RIPK4: variants seen among roughly 807,000 people sequenced by gnomAD.
RIPK4 encodes receptor interacting serine/threonine kinase 4.
RIPK4 carries 17 observed loss-of-function variants against 42.9 expected under a neutral mutation model. The ratio of observed to expected loss-of-function variants is 0.40; its 90% CI spans 0.27 to 0.59. The LOEUF (loss-of-function observed/expected upper bound fraction) is 0.59, where lower values mean the gene tolerates loss of function less well. RIPK4 is among the 20% of genes least tolerant of loss of function. RIPK4 has a pLI of 0.47. For missense variants in RIPK4, 897 were observed against 1,104.4 expected, an observed-to-expected ratio of 0.81 and a Z score of 2.66; for synonymous variants, 498 against 499.1, an observed-to-expected ratio of 1.00 and a Z score of 0.03.
intron 1 of RIPK4, among the ~76,000 whole-genome samples, chr21:41,766,652 G>A (rs962133548): frequency 6.6e-6 from 1 of 152,138 alleles, no homozygotes; most frequent in Non-Finnish European, 1.5e-5. Context: ...TCGAGCCCGG[G>A]CTCGCCAAAG....
chr21:41,742,021 G>C lies in RIPK4; in HGVS notation c.1196-24C>G. Reference sequence around the variant, plus strand: ...ATCTGCAGGGAGAGGAGAGGCAAAGGTCAGAGCGTGGCTGCACATCCAGGG... The same window carrying C: ...ATCTGCAGGGAGAGGAGAGGCAAAGCTCAGAGCGTGGCTGCACATCCAGGG... On this transcript the variant is annotated intron_variant, in intron 7 of 7. Transcript: ENST00000332512. This position sits in a 1 kb window ranked among gnomAD's most constrained non-coding sequence, Gnocchi z 5.1. The C allele has an allele frequency of 1.3e-6, 2 of 1,555,284 alleles. No homozygotes were observed. The highest frequency in any genetic ancestry group is 1.7e-6 in the Non-Finnish European group (2 of 1,148,308).
chr21:41,756,889 G>C, intron 1 of RIPK4, 73 bp from the exon 2 acceptor site: 1 of 1,505,960 alleles, frequency 6.6e-7, no homozygotes, highest in Non-Finnish European at 9.0e-7. Context: ...ACCCTGGCCA[G>C]AAGACGACCA....
At chr21:41,763,687 C>T (rs1051061723) in intron 1 of RIPK4, among the ~76,000 whole-genome samples, 8 of 152,220 alleles carry the variant, frequency 5.3e-5, no homozygotes, top group South Asian at 2.1e-4. Context: ...CAGGGAGCCT[C>T]GGAGGGGTTC....
Position 41,756,569 on chromosome 21 carries a change from G to A in RIPK4, c.430C>T (p.Leu144Phe). Residue 144 changes from leucine (L) to phenylalanine (F), a missense_variant, in exon 2 of 8, where the codon CTC becomes TTC. By Grantham distance (22) the Leu-to-Phe change is conservative (BLOSUM62 0). Transcript: ENST00000332512. ...TCCAGCAGGATGTTCGCGGGCTTGA[G>A]GTCCAGGTGCAGGAGTGGCGGGGCC... is the stretch of plus-strand genomic sequence containing the variant. ...CMAPPLLHLD[L>F]KPANILLDAH... The A allele has an allele frequency of 6.2e-7, 1 of 1,613,978 alleles. No homozygotes were observed. Among genetic ancestry groups the A allele is most frequent in the Non-Finnish European group, 8.5e-7 (1 of 1,179,958 alleles).
At chr21:41,746,493 C>T (rs904735569) in intron 5 of RIPK4, 120 bp downstream of exon 5, 34 of 1,236,792 alleles carry the variant, frequency 2.7e-5, no homozygotes, top group Middle Eastern at 2.8e-4. Context: ...GGGCTCATTT[C>T]GGCCCACCTG....
rs1442466063 is a variant in RIPK4, at chr21:41,743,546, G to A, written c.1195+336C>T. ...CTGCCACGCCCGAGACAGGAGGCCC[G>A]CCAGGGAGTGGGGCTCGGCTACTCG... On this transcript the variant is annotated intron_variant, in intron 7 of 7. Transcript: ENST00000332512. Among the ~76,000 whole-genome samples, 13 of 152,320 alleles carry A rather than the reference G, an allele frequency of 8.5e-5. No individual in the cohort carries two copies. The East Asian group carries it at 1.2e-3, about 14-fold the overall frequency.
chr21:41,746,091 C>G (rs957648620), intron 5 of RIPK4: 3 of 700,058 alleles, frequency 4.3e-6, no homozygotes, highest in Non-Finnish European at 7.8e-6. Flanking sequence ...CGGAAGCCTT[C>G]CCCGGGGGAG....
rs1296153598 is a variant in RIPK4, at chr21:41,751,146, G to A, written c.574C>T (p.Arg192Cys). The A allele has an allele frequency of 1.4e-5, 22 of 1,614,084 alleles. No homozygotes were observed. The highest frequency in any genetic ancestry group is 2.7e-5 in the African/African-American group (2 of 74,922). ...AAGAGCCGGCTCTTCTCCCTGATGC[G>A]CTCTGGAGGGAGGTAGGCGATTGTG... ...FGTIAYLPPERIREKSRLFDT... is the reference protein window; with the variant it reads ...FGTIAYLPPECIREKSRLFDT... Residue 192 changes from arginine to cysteine, a missense_variant, in exon 3 of 8, where the codon CGC (arginine) becomes TGC (cysteine). Coordinates refer to ENST00000332512, the MANE Select transcript of RIPK4 (RefSeq NM_020639.3). The surrounding 1 kb of genome is among the most constrained non-coding windows in gnomAD (Gnocchi z 4.5).
chr21:41,743,743 TAAGAC>T (rs2061161515), intron 7 of RIPK4, 134 bp downstream of exon 7: 6 of 1,146,676 alleles, frequency 5.2e-6, no homozygotes, highest in Non-Finnish European at 7.3e-6. Context: ...ATTAATTACT[TAAGAC>T]AGAGAGAACA....
intron 1 of RIPK4, among the ~76,000 whole-genome samples, chr21:41,764,723 T>C (rs373534292): frequency 2.8e-4 from 43 of 152,296 alleles, no homozygotes; most frequent in African/African-American, 9.9e-4. Context: ...TGTACATTCC[T>C]AACAAGAACC....
At chr21:41,764,722 C>T (rs142901447) in intron 1 of RIPK4, among the ~76,000 whole-genome samples, 1 of 152,170 alleles carries the variant, frequency 6.6e-6, no homozygotes, top group African/African-American at 2.4e-5. Context: ...ATGTACATTC[C>T]TAACAAGAAC....
At chr21:41,753,368 G>T (rs1275220348) in intron 2 of RIPK4, among the ~76,000 whole-genome samples, 1 of 152,224 alleles carries the variant, frequency 6.6e-6, no homozygotes, top group African/African-American at 2.4e-5. Flanking sequence ...GTCTTTGTCA[G>T]ATAGAGCCAG....
chr21:41,746,145 G>A (rs554420758), intron 5 of RIPK4: 5 of 673,442 alleles, frequency 7.4e-6, no homozygotes, highest in East Asian at 5.9e-5. Flanking sequence ...AGCACCTGGC[G>A]GATGAGCTCC....
chr21:41,749,398 G>A (rs148103513), intron 3 of RIPK4, among the ~76,000 whole-genome samples, 195 bp from the exon 4 acceptor site: 3 of 152,272 alleles, frequency 2.0e-5, no homozygotes, highest in East Asian at 3.9e-4. Context: ...TAGCTCAGAT[G>A]TCAGACAGAC....
chr21:41,763,851 C>T (rs2061228401), intron 1 of RIPK4, among the ~76,000 whole-genome samples: 1 of 152,220 alleles, frequency 6.6e-6, no homozygotes, highest in African/African-American at 2.4e-5. Flanking sequence ...GCACTGGCTT[C>T]TTCTGAGCAT....
Position 41,740,884 on chromosome 21 carries a change from C to A in RIPK4, c.2309G>T (p.Gly770Val). 1 of 1,611,794 alleles carries A rather than the reference C, an allele frequency of 6.2e-7. No homozygotes were observed. Among genetic ancestry groups the A allele is most frequent in the Non-Finnish European group, 8.5e-7 (1 of 1,179,472 alleles). ...HINLQSLKFQ[G>V]GHGPAATLLR... ...GAGCGTGGCGGCGGGGCCATGGCCG[C>A]CCTGGAACTTGAGGCTCTGCAGGTT... is the stretch of plus-strand genomic sequence containing the variant. The change falls in exon 8 of 8, where the codon GGC becomes GTC. Residue 770 changes from glycine to valine, a missense_variant. Gly to Val is a moderately radical substitution (Grantham distance 109, BLOSUM62 -3). Coordinates refer to ENST00000332512, the MANE Select transcript of RIPK4 (RefSeq NM_020639.3).
Position 41,740,692 on chromosome 21 carries a change from G to C in RIPK4, c.*146C>G. On this transcript the variant is annotated 3_prime_UTR_variant, in exon 8 of 8. Coordinates refer to ENST00000332512, the MANE Select transcript of RIPK4 (RefSeq NM_020639.3). The stretch of plus-strand genomic sequence containing the variant: ...GGGGACACTCCGGTCAGCAGCAGCC[G>C]CCTCCTGATGGCACCATGTCACCTC... 2 of 799,272 alleles carry C rather than the reference G, an allele frequency of 2.5e-6. No homozygotes were observed. The highest frequency in any genetic ancestry group is 3.8e-6 in the Non-Finnish European group (2 of 522,156). The allele number at this position is 799,272 out of a possible 1,614,324, so 49.5% of individuals were successfully genotyped here. A position where few individuals can be genotyped will look rare whatever the true frequency, so the allele number is the denominator to read the frequency against.
chr21:41,748,666 AT>A (rs1438973176), intron 4 of RIPK4, among the ~76,000 whole-genome samples: 3 of 152,204 alleles, frequency 2.0e-5, no homozygotes, highest in African/African-American at 4.8e-5. Context: ...TTTTATGACT[AT>A]TTTTTTAAAA....
At chr21:41,750,114 G>C (rs2061184260) in intron 3 of RIPK4, among the ~76,000 whole-genome samples, 1 of 152,138 alleles carries the variant, frequency 6.6e-6, no homozygotes, top group Non-Finnish European at 1.5e-5. Flanking sequence ...GACACTTCCA[G>C]GCAACTCTCA....
Sources: gnomAD v4.1 joint callset for allele counts (sites outside exome capture counted in the v4.1 genomes callset) on GRCh38, gnomAD v4.1.1 for gene constraint, Gnocchi (gnomAD v3.1) non-coding constraint, MANE v1.5 for transcripts, NCBI Gene and HGNC (gene_info 2026-07-23, HGNC 2026-07-21) for gene names.